Variants in CHRNE observed in about 807,000 individuals in gnomAD.
The protein encoded by CHRNE is acetylcholine receptor subunit epsilon.
In CHRNE, 58 loss-of-function variants were observed where a neutral mutation model predicts 56.5. The observed-to-expected ratio is 1.03, with a 90% CI of 0.83 to 1.28. CHRNE has a LOEUF of 1.28. Among genes scored for constraint, CHRNE ranks in the 50% most tolerant of loss-of-function variants. The pLI is 0.00. For missense variants in CHRNE, 793 were observed against 688.9 expected, an observed-to-expected ratio of 1.15 and a Z score of -1.69; for synonymous variants, 385 against 297.9, an observed-to-expected ratio of 1.29 and a Z score of -3.01.
At chr17:4,901,265 G>A (rs1969976374) in intron 6 of CHRNE, 75 bp from the exon 7 acceptor site, 2 of 1,523,064 alleles carry the variant, frequency 1.3e-6, no homozygotes, top group Non-Finnish European at 1.8e-6. Flanking sequence ...TGAAGAGGAG[G>A]CTGCGGCTGT....
At chr17:4,901,875 C>T in intron 5 of CHRNE, 57 bp downstream of exon 5, 2 of 1,427,218 alleles carry the variant, frequency 1.4e-6, no homozygotes, top group African/African-American at 1.4e-5. Context: ...GTTGGCCCCG[C>T]CCCATAAGGC....
chr17:4,900,959 G>C, intron 7 of CHRNE, 31 bp downstream of exon 7: 1 of 1,614,018 alleles, frequency 6.2e-7, no homozygotes, highest in Non-Finnish European at 8.5e-7. Context: ...GCGAGCCCGG[G>C]TTTGGGGGTA....
At chr17:4,903,580 A>T (rs1970047270), upstream of CHRNE, among the ~76,000 whole-genome samples, 1 of 152,176 alleles carries the variant, frequency 6.6e-6, no homozygotes, top group South Asian at 2.1e-4. Flanking sequence ...AGACCTGATA[A>T]AGAGACAGGT....
At chr17:4,900,628 G>A (rs1969949912) in intron 8 of CHRNE, 165 bp downstream of exon 8, 1 of 1,489,892 alleles carries the variant, frequency 6.7e-7, no homozygotes, top group Non-Finnish European at 9.1e-7. Context: ...GCAGCAGTGA[G>A]GAGGACGGCG....
At chr17:4,907,901 G>A (rs927795360), upstream of CHRNE, among the ~76,000 whole-genome samples, 1 of 152,098 alleles carries the variant, frequency 6.6e-6, no homozygotes, top group South Asian at 2.1e-4. Flanking sequence ...ACTTAGTCGG[G>A]CACGGTGGCT....
chr17:4,901,516 G>C lies in CHRNE; in HGVS notation c.601+9C>G. 1 of 1,613,484 alleles carries C rather than the reference G, an allele frequency of 6.2e-7. No homozygotes were observed. Among genetic ancestry groups the C allele is most frequent in the South Asian group, 1.1e-5 (1 of 91,066 alleles). On this transcript the variant is annotated intron_variant, in intron 6 of 11. Coordinates refer to ENST00000649488, the MANE Select transcript of CHRNE (RefSeq NM_000080.4). ...GAAGCGGGTTTTTCTGAGCAGGCAG[G>C]GGCTTCACCAGTATAGGCCTCTGTG...
rs1597618854 is a variant in CHRNE, at chr17:4,900,875, C to T, written c.835G>A (p.Val279Ile). The change falls in exon 8 of 12, where the codon GTC (valine) becomes ATC (isoleucine). Residue 279 changes from valine (V) to isoleucine (I), a missense_variant. Val to Ile is a conservative substitution (Grantham distance 29). Transcript: ENST00000649488. Reference protein sequence around the residue: ...GGQKCTVSINVLLAQTVFLFL... With the variant: ...GGQKCTVSINILLAQTVFLFL... ...AAGAAGACGGTCTGGGCGAGCAGGACGTTGATGGAGACCGTGCATTTCTGG... is the reference window on the plus strand; with the variant it reads ...AAGAAGACGGTCTGGGCGAGCAGGATGTTGATGGAGACCGTGCATTTCTGG... The T allele has an allele frequency of 1.9e-6, 3 of 1,614,180 alleles. No homozygotes were observed. The highest frequency in any genetic ancestry group is 2.2e-5 in the East Asian group (1 of 44,880).
In CHRNE at chr17:4,901,082, C is replaced by A. The variant is rs201434993; in HGVS notation, c.710G>T (p.Arg237Leu). Residue 237 changes from arginine to leucine, a missense_variant, in exon 7 of 12, where the codon CGC becomes CTC. Coordinates refer to ENST00000649488, the MANE Select transcript of CHRNE (RefSeq NM_000080.4). ...ETDVIYSLII[R>L]RKPLFYVINI... ...AATGACGTAGAAGAGCGGCTTCCGG[C>A]GGATGATGAGCGAGTAGATGACGTC... The A allele has an allele frequency of 9.9e-5, 160 of 1,613,702 alleles. No individual in the cohort carries two copies. The highest frequency in any genetic ancestry group is 1.6e-4 in the Middle Eastern group (1 of 6,084).
At position 4,902,811 on chromosome 17, in the gene CHRNE, A is replaced by G; in HGVS notation, c.47-48T>C. 1 of 1,613,542 alleles carries G rather than the reference A, an allele frequency of 6.2e-7. No individual in the cohort carries two copies. Among genetic ancestry groups the G allele is most frequent in the Non-Finnish European group, 8.5e-7 (1 of 1,179,800 alleles). ...GGGTCATTGGCAATGAAGAGGCTGG[A>G]GCACCTCTCTCCCCTCTGCCTCCCC... On this transcript the variant is annotated intron_variant, in intron 1 of 11. Coordinates refer to ENST00000649488, the MANE Select transcript of CHRNE (RefSeq NM_000080.4). This position sits in a 1 kb window ranked among gnomAD's most constrained non-coding sequence, Gnocchi z 4.0.
At chr17:4,907,357 A>G (rs922050172), upstream of CHRNE, among the ~76,000 whole-genome samples, 1 of 150,834 alleles carries the variant, frequency 6.6e-6, no homozygotes, top group African/African-American at 2.4e-5. Flanking sequence ...AGGTCAGGAG[A>G]TCAAGACCAT....
chr17:4,901,732 CCCCTTCACCCAAGCCCAG>C, intron 5 of CHRNE, 107 bp from the exon 6 acceptor site: 4 of 1,289,390 alleles, frequency 3.1e-6, no homozygotes, highest in East Asian at 2.4e-5. Context: ...CCCAAGCCCA[CCCCTTCACCCAAGCCCAG>C]CCCGCACGCC....
In CHRNE at chr17:4,898,702, C is replaced by T; in HGVS notation, c.*34G>A. 1 of 1,599,238 alleles carries T rather than the reference C, an allele frequency of 6.3e-7. No homozygotes were observed. Among genetic ancestry groups the T allele is most frequent in the African/African-American group, 1.3e-5 (1 of 74,954 alleles). On this transcript the variant is annotated 3_prime_UTR_variant, in exon 12 of 12. Transcript: ENST00000649488. ...CTACTTTTTCAAAATCAATTTCCTA[C>T]TGGAGATGGGTGGGAAATTGAAGTC... is the stretch of plus-strand genomic sequence containing the variant.
intron 5 of CHRNE, 82 bp from the exon 6 acceptor site, chr17:4,901,707 T>A (rs918010696): frequency 7.1e-7 from 1 of 1,412,514 alleles, no homozygotes; most frequent in South Asian, 1.2e-5. Context: ...AGCTGGGATC[T>A]AGCGGGGCCG....
Position 4,899,357 on chromosome 17 carries a change from G to T in CHRNE, c.1060C>A (p.Leu354Met). 6.5e-7 allele frequency: 1 copy of T among 1,537,652 alleles called. No individual in the cohort carries two copies. Residue 354 changes from leucine to methionine, a missense_variant, in exon 10 of 12, where the codon CTG (leucine) becomes ATG (methionine). Physicochemically the swap from Leu to Met is conservative, Grantham distance 15. Transcript: ENST00000649488. ...HVLLELLPRL[L>M]GSPPPPEAPR... Reference sequence around the variant, plus strand: ...GCCTCGGGCGGCGGCGGGGAGCCCAGGAGGCGCGGCAGCAGCTCCAGGAGA... The same window carrying T: ...GCCTCGGGCGGCGGCGGGGAGCCCATGAGGCGCGGCAGCAGCTCCAGGAGA...
upstream of CHRNE, among the ~76,000 whole-genome samples, chr17:4,907,310 T>C (rs1970102429): frequency 6.6e-6 from 1 of 151,910 alleles, no homozygotes; most frequent in Non-Finnish European, 1.5e-5. Flanking sequence ...ACGCCTGTAA[T>C]CCCTGCACTT....
At chr17:4,900,383 C>T (rs1221237835) in intron 8 of CHRNE, 8 of 1,549,782 alleles carry the variant, frequency 5.2e-6, no homozygotes, top group Admixed American at 2.0e-5. Flanking sequence ...CTGCGGTGGG[C>T]GCCAGCGCCC....
chr17:4,901,252 G>C, intron 6 of CHRNE, 62 bp from the exon 7 acceptor site: 1 of 1,562,818 alleles, frequency 6.4e-7, no homozygotes, highest in Admixed American at 1.7e-5. Flanking sequence ...GCTGACAGCG[G>C]GCTGAAGAGG....
At chr17:4,905,756 G>A (rs554298875), upstream of CHRNE, among the ~76,000 whole-genome samples, 5 of 152,160 alleles carry the variant, frequency 3.3e-5, no homozygotes, top group African/African-American at 1.2e-4. Flanking sequence ...AGCTACTCGG[G>A]AGGCTGAGGC....
rs756429518 is a variant in CHRNE at position 4,902,683 on chromosome 17, G to A, written c.127C>T (p.Arg43Trp). 25 of 1,613,750 alleles carry A rather than the reference G, an allele frequency of 1.5e-5. No homozygotes were observed. The highest frequency in any genetic ancestry group is 2.0e-5 in the Non-Finnish European group (24 of 1,179,962). Residue 43 changes from arginine (R) to tryptophan (W), a missense_variant, in exon 2 of 12, where the codon CGG (arginine) becomes TGG (tryptophan). Coordinates refer to ENST00000649488, the MANE Select transcript of CHRNE (RefSeq NM_000080.4). The surrounding 1 kb of genome is among the most constrained non-coding windows in gnomAD (Gnocchi z 4.0). ...NNYDPGSRPVREPEDTVTISL... is the reference protein window; with the variant it reads ...NNYDPGSRPVWEPEDTVTISL... ...ATGGTGACAGTATCCTCAGGCTCCC[G>A]CACTGGCCGGCTTCCTGGGTCATAG... is the stretch of plus-strand genomic sequence containing the variant.
Sources: allele counts gnomAD v4.1 joint callset (sites outside exome capture counted in the v4.1 genomes callset), GRCh38; gene constraint gnomAD v4.1.1; non-coding constraint Gnocchi (gnomAD v3.1); transcripts MANE v1.5; gene names NCBI Gene and HGNC (gene_info 2026-07-23, HGNC 2026-07-21).